The following STK11 variants were observed in gnomAD, a reference collection of about 807,000 sequenced individuals.
STK11 encodes the protein serine/threonine kinase 11, also known as serine/threonine-protein kinase STK11.
Under a neutral mutation model 47.3 loss-of-function variants are expected in STK11, and 8 were observed. The ratio of observed to expected loss-of-function variants is 0.17; its 90% CI spans 0.10 to 0.31. The LOEUF (loss-of-function observed/expected upper bound fraction) is 0.31, where lower values mean the gene tolerates loss of function less well. Among genes scored for constraint, STK11 ranks in the 10% least tolerant of loss-of-function variants. STK11 has a pLI of 1.00. For missense variants in STK11, 475 were observed against 605.0 expected (o/e 0.79, Z 2.25); for synonymous variants, 330 against 255.8 (o/e 1.29, Z -2.77).
chr19:1,218,979 C>T (rs566439064), intron 2 of STK11, among the ~76,000 whole-genome samples: 10 of 151,592 alleles, frequency 6.6e-5, no homozygotes, highest in Non-Finnish European at 8.8e-5. Context: ...CCCTGAGCCA[C>T]GCGGTCAGGG....
intron 2 of STK11, 114 bp from the exon 3 acceptor site, chr19:1,219,210 G>A (rs1273979941): frequency 5.4e-6 from 7 of 1,287,878 alleles, no homozygotes; most frequent in East Asian, 2.6e-5. Context: ...CCCTGGTCCC[G>A]AGGAGGGGCA....
At chr19:1,224,160 G>A in intron 8 of STK11, 5 of 986,816 alleles carry the variant, frequency 5.1e-6, no homozygotes, top group Non-Finnish European at 6.0e-6. Flanking sequence ...TACAGTGTGG[G>A]GGCCCCCGAG....
intron 1 of STK11, among the ~76,000 whole-genome samples, chr19:1,213,534 T>C (rs578253371): frequency 6.6e-6 from 1 of 152,244 alleles, no homozygotes; most frequent in Non-Finnish European, 1.5e-5. Context: ...GCGTGGCCTT[T>C]TGCGTCCGGC....
At chr19:1,225,526 C>G (rs2080814691) in intron 8 of STK11, 1 of 984,578 alleles carries the variant, frequency 1.0e-6, no homozygotes, top group African/African-American at 1.7e-5. Flanking sequence ...ACCTCGGCCT[C>G]CCAAAGTGCT....
chr19:1,206,704 C>T lies in STK11; in HGVS notation c.-210C>T. ...GGTGCCCGCCGGTCCGCAGACCCTGCACCGGGCTTGGACTCGCAGCCGGGA... is the reference window on the plus strand; with the variant it reads ...GGTGCCCGCCGGTCCGCAGACCCTGTACCGGGCTTGGACTCGCAGCCGGGA... On this transcript the variant is annotated 5_prime_UTR_variant, in exon 1 of 10. Coordinates refer to ENST00000326873, the MANE Select transcript of STK11 (RefSeq NM_000455.5). 1 of 683,416 alleles carries T rather than the reference C, an allele frequency of 1.5e-6. No individual in the cohort carries two copies. Among genetic ancestry groups the T allele is most frequent in the Admixed American group, 3.2e-5 (1 of 31,242 alleles). 42.3% of individuals were successfully genotyped at this position (683,416 alleles called of 1,614,324 possible).
rs564642032 is a variant in STK11, at chr19:1,206,852, G to A, written c.-62G>A. The A allele has an allele frequency of 6.6e-7, 1 of 1,514,442 alleles. No homozygotes were observed. The highest frequency in any genetic ancestry group is 1.2e-5 in the South Asian group (1 of 81,640). 93.8% of individuals were successfully genotyped at this position (1,514,442 alleles called of 1,614,324 possible). ...TTGGAGAAGGGAAGTCGGAACACAA[G>A]GAAGGACCGCTCACCCGCGGACTCA... On this transcript the variant is annotated 5_prime_UTR_variant, in exon 1 of 10. Coordinates refer to ENST00000326873, the MANE Select transcript of STK11 (RefSeq NM_000455.5).
chr19:1,220,345 C>T lies in STK11; in HGVS notation c.465-28C>T, dbSNP rs775016904. The T allele has an allele frequency of 3.8e-6, 6 of 1,587,342 alleles. No individual in the cohort carries two copies. The Admixed American group carries it at 8.9e-5, about 24-fold the overall frequency. The stretch of plus-strand genomic sequence containing the variant: ...CCTGTGAGGGGCAGGGAGGCCTCGG[C>T]CCCAGGACGGGTGTGTGCTGCCCGC... On this transcript the variant is annotated intron_variant, in intron 3 of 9. Transcript: ENST00000326873.
rs375671923 is a variant in STK11, at chr19:1,221,726, G to C, written c.863-223G>C. Reference sequence around the variant, plus strand: ...TTGGGAGAACGGAACCGCCCTGGCCGTCCAGCCCAGCCCTGTCTCCCTGCC... The same window carrying C: ...TTGGGAGAACGGAACCGCCCTGGCCCTCCAGCCCAGCCCTGTCTCCCTGCC... On this transcript the variant is annotated intron_variant, in intron 6 of 9. Coordinates refer to ENST00000326873, the MANE Select transcript of STK11 (RefSeq NM_000455.5). The C allele has an allele frequency of 2.4e-4, 148 of 612,416 alleles. 4 individuals are homozygous for C. Among genetic ancestry groups the C allele is most frequent in the East Asian group, 1.3e-3 (46 of 36,012 alleles). The allele number at this position is 612,416 out of a possible 1,614,324, so 37.9% of individuals were successfully genotyped here. A position where few individuals can be genotyped will look rare whatever the true frequency, so the allele number is the denominator to read the frequency against.
intron 7 of STK11, 87 bp downstream of exon 7, chr19:1,222,093 G>T: frequency 6.9e-7 from 1 of 1,454,578 alleles, no homozygotes; most frequent in Non-Finnish European, 9.4e-7. Flanking sequence ...AGAGCAGGGC[G>T]TGGTGGGGGT....
intron 8 of STK11, chr19:1,225,338 T>A: frequency 1.0e-6 from 1 of 958,566 alleles, no homozygotes; most frequent in Non-Finnish European, 1.2e-6. Context: ...TGTGGTGCGA[T>A]CTCGGCTCAC....
chr19:1,218,185 C>T (rs1023263016), intron 1 of STK11, among the ~76,000 whole-genome samples: 37 of 152,150 alleles, frequency 2.4e-4, no homozygotes, highest in African/African-American at 8.0e-4. Context: ...CCAAAGCCCT[C>T]GCCGGCCGAT....
rs1010775461 is a variant in STK11 at position 1,206,418 on chromosome 19, G to A, written c.-496G>A. 1.7e-5 allele frequency: 4 copies of A among 234,576 alleles called. No individual in the cohort carries two copies. Among genetic ancestry groups the A allele is most frequent in the Admixed American group, 1.1e-4 (2 of 17,804 alleles). 14.5% of individuals were successfully genotyped at this position (234,576 alleles called of 1,614,324 possible). Reference sequence around the variant, plus strand: ...CCGGAGACGCCCCCAGCGAAGTTGGGCTCTCCAGGTGTGGGGGTCCCGGGG... The same window carrying A: ...CCGGAGACGCCCCCAGCGAAGTTGGACTCTCCAGGTGTGGGGGTCCCGGGG... On this transcript the variant is annotated 5_prime_UTR_variant, in exon 1 of 10. Transcript: ENST00000326873.
intron 1 of STK11, among the ~76,000 whole-genome samples, chr19:1,214,410 G>A (rs1223703740): frequency 6.6e-6 from 1 of 152,210 alleles, no homozygotes; most frequent in Non-Finnish European, 1.5e-5. Flanking sequence ...GCTCTTCCAC[G>A]TTTCAGCTGC....
chr19:1,208,607 C>CT (rs71174355), intron 1 of STK11, among the ~76,000 whole-genome samples: 4,177 of 37,766 alleles, frequency 0.11, 1,556 homozygotes, highest in Non-Finnish European at 0.15. Flanking sequence ...CGCGTGCGGC[C>CT]TTTTTTTTTT....
Position 1,226,580 on chromosome 19 carries a change from A to G in STK11, c.1235A>G (p.Asn412Ser), listed in dbSNP as rs786201309. 1.9e-6 allele frequency: 3 copies of G among 1,578,420 alleles called. No homozygotes were observed. The highest frequency in any genetic ancestry group is 1.2e-5 in the South Asian group (1 of 86,484). The change falls in exon 9 of 10, where the codon AAC (asparagine) becomes AGC (serine). Residue 412 changes from asparagine (N) to serine (S), a missense_variant. Around this residue, in one of 5 missense-constraint regions of STK11, gnomAD observed 219 missense variants for 189.2 expected, o/e 1.16. Transcript: ENST00000326873. The stretch of plus-strand genomic sequence containing the variant: ...TCCAGGGCGGAGGGCCGGGCCCCCA[A>G]CCCTGCCCGCAAGGCCTGCTCCGCC... ...TKSRAEGRAP[N>S]PARKACSASS...
intron 6 of STK11, chr19:1,221,699 C>T (rs2080785618): frequency 5.0e-6 from 3 of 597,506 alleles, no homozygotes; most frequent in Non-Finnish European, 8.9e-6. Flanking sequence ...TGCCCAGTGG[C>T]CTTGGGAGAA....
intron 1 of STK11, 24 bp from the exon 2 acceptor site, chr19:1,218,393 A>T (rs761074511): frequency 6.2e-7 from 1 of 1,605,106 alleles, no homozygotes; most frequent in Non-Finnish European, 8.5e-7. Context: ...GTCGGCTGAT[A>T]CACCCCTGTC....
rs918009872 is a variant in STK11 at position 1,219,331 on chromosome 19, G to C, written c.382G>C (p.Val128Leu). ...YNEEKQKMYM[V>L]MEYCVCGMQE... ...GTGTCCTTAGCGCCCCACGTATATG[G>C]TGATGGAGTACTGCGTGTGTGGCAT... Residue 128 changes from valine (V) to leucine (L), a missense_variant, in exon 3 of 10, where the codon GTG (valine) becomes CTG (leucine). By Grantham distance (32) the Val-to-Leu change is conservative. Coordinates refer to ENST00000326873, the MANE Select transcript of STK11 (RefSeq NM_000455.5). The C allele has an allele frequency of 6.3e-7, 1 of 1,587,320 alleles. No homozygotes were observed. Among genetic ancestry groups the C allele is most frequent in the Non-Finnish European group, 8.6e-7 (1 of 1,167,532 alleles).
Position 1,227,772 on chromosome 19 carries a change from C to T in STK11, c.*196C>T. ...GGGACCGGGCGCAGCCCTCCCCCCT[C>T]GGCCGCCCGGCAGTGCACGCGGCTT... is the stretch of plus-strand genomic sequence containing the variant. On this transcript the variant is annotated 3_prime_UTR_variant, in exon 10 of 10. Coordinates refer to ENST00000326873, the MANE Select transcript of STK11 (RefSeq NM_000455.5). 9 of 1,073,564 alleles carry T rather than the reference C, an allele frequency of 8.4e-6. No individual in the cohort carries two copies. The highest frequency in any genetic ancestry group is 1.0e-5 in the Non-Finnish European group (9 of 884,396). 66.5% of individuals were successfully genotyped at this position (1,073,564 alleles called of 1,614,324 possible).
Sources: gnomAD v4.1 joint callset for allele counts (sites outside exome capture counted in the v4.1 genomes callset) on GRCh38, gnomAD v4.1.1 for gene constraint, gnomAD v4.1.1 regional missense constraint, MANE v1.5 for transcripts, NCBI Gene and HGNC (gene_info 2026-07-23, HGNC 2026-07-21) for gene names.